OSBPL10: variants seen among roughly 807,000 people sequenced by gnomAD.
OSBPL10 encodes the protein oxysterol binding protein like 10.
In OSBPL10, 49 loss-of-function variants were observed where a neutral mutation model predicts 81.7. The observed-to-expected ratio is 0.60, with a 90% confidence interval of 0.48 to 0.76. OSBPL10 has a LOEUF of 0.76. Among genes scored for constraint, OSBPL10 ranks in the 30% least tolerant of loss-of-function variants. The pLI is 0.00. For synonymous variants in OSBPL10, 419 were observed against 383.6 expected, an observed-to-expected ratio of 1.09 and a Z score of -1.08; for missense variants, 923 against 987.8, an observed-to-expected ratio of 0.93 and a Z score of 0.88.
At chr3:31,936,151 T>A (rs1218550153) in intron 1 of OSBPL10, among the ~76,000 whole-genome samples, 3 of 152,234 alleles carry the variant, frequency 2.0e-5, no homozygotes, top group Non-Finnish European at 2.9e-5. Flanking sequence ...GTTTCACTCA[T>A]TCTTTGCTTC....
At chr3:31,717,956 T>C (rs1192147701) in intron 6 of OSBPL10, among the ~76,000 whole-genome samples, 1 of 152,172 alleles carries the variant, frequency 6.6e-6, no homozygotes, top group African/African-American at 2.4e-5. Flanking sequence ...GCAAACGGTA[T>C]GTAGTAGCAC....
Position 31,913,252 on chromosome 3 carries a change from G to GT in OSBPL10, c.282-33423dup, listed in dbSNP as rs1553640050. Among the ~76,000 whole-genome samples the GT allele has an allele frequency of 6.8e-3, 993 of 145,874 alleles. 25 individuals carry two copies. Among genetic ancestry groups the GT allele is most frequent in the African/African-American group, 0.022 (860 of 39,912 alleles). On this transcript the variant is annotated intron_variant, in intron 1 of 11. Transcript: ENST00000396556. ...GGTTTTTTTTTTTATTTTGTTTTTT[G>GT]TTTTTTTTTTCTTTAAGATGGAGTC...
intron 2 of OSBPL10, among the ~76,000 whole-genome samples, chr3:32,012,743 GA>G (rs1281571315): frequency 6.6e-5 from 10 of 152,130 alleles, no homozygotes; most frequent in African/African-American, 2.4e-4. Context: ...AAGGGATGGA[GA>G]AAGATCTACC....
chr3:31,826,028 C>T (rs530209402), intron 4 of OSBPL10, among the ~76,000 whole-genome samples: 27 of 152,108 alleles, frequency 1.8e-4, no homozygotes, highest in Non-Finnish European at 3.2e-4. Flanking sequence ...TAGTCATTCC[C>T]TTAATGTCTT....
upstream of OSBPL10, among the ~76,000 whole-genome samples, chr3:31,982,344 C>G (rs556943593): frequency 5.5e-4 from 84 of 152,122 alleles, no homozygotes; most frequent in Non-Finnish European, 1.1e-3. Context: ...CTTTGAGGAA[C>G]TCAGACTCTC....
intron 7 of OSBPL10, among the ~76,000 whole-genome samples, chr3:31,692,779 T>C (rs1695593806): frequency 1.3e-5 from 2 of 152,210 alleles, no homozygotes; most frequent in Non-Finnish European, 2.9e-5. Flanking sequence ...CAGAGAGGTT[T>C]TGCAATTTAC....
chr3:31,817,653 T>C (rs1391162353), intron 4 of OSBPL10, among the ~76,000 whole-genome samples: 2 of 152,046 alleles, frequency 1.3e-5, no homozygotes, highest in Non-Finnish European at 2.9e-5. Context: ...TGGGCAGCTG[T>C]GGCCCCGCCA....
chr3:31,939,343 C>T (rs1697474101), intron 1 of OSBPL10, among the ~76,000 whole-genome samples: 1 of 151,648 alleles, frequency 6.6e-6, no homozygotes, highest in Non-Finnish European at 1.5e-5. Context: ...CAGGGTTTCA[C>T]TATATTGGCC....
chr3:32,038,462 C>T (rs1284807289), intron 2 of OSBPL10, among the ~76,000 whole-genome samples: 1 of 152,164 alleles, frequency 6.6e-6, no homozygotes, highest in Admixed American at 6.5e-5. Context: ...GCTGGGATTA[C>T]AGGCGTGTGC....
intron 1 of OSBPL10, among the ~76,000 whole-genome samples, chr3:31,941,259 A>G (rs1347334176): frequency 6.6e-6 from 1 of 152,208 alleles, no homozygotes; most frequent in East Asian, 1.9e-4. Context: ...CGGTGCAAAC[A>G]AAAAAGAAAA....
chr3:31,707,950 T>C (rs1696125738), intron 6 of OSBPL10, among the ~76,000 whole-genome samples: 2 of 151,228 alleles, frequency 1.3e-5, no homozygotes, highest in African/African-American at 2.4e-5. Flanking sequence ...ACTGGAGAGA[T>C]TGGAAGAGTA....
At chr3:31,895,356 C>A (rs1483410743) in intron 1 of OSBPL10, among the ~76,000 whole-genome samples, 3 of 151,560 alleles carry the variant, frequency 2.0e-5, no homozygotes, top group Non-Finnish European at 2.9e-5. Flanking sequence ...CCAGGATGGT[C>A]TTGATCTCCT....
intron 7 of OSBPL10, among the ~76,000 whole-genome samples, chr3:31,694,454 T>C (rs1049897411): frequency 6.6e-6 from 1 of 151,352 alleles, no homozygotes; most frequent in African/African-American, 2.4e-5. Flanking sequence ...TTGTATCTGT[T>C]CAATATTAAA....
chr3:31,930,004 A>AAACAAAC (rs1322047382), intron 1 of OSBPL10, among the ~76,000 whole-genome samples: 6 of 28,824 alleles, frequency 2.1e-4, no homozygotes, highest in African/African-American at 2.9e-4. Context: ...GTCACCAACC[A>AAACAAAC]AAAAAAAAAA....
intron 2 of OSBPL10, among the ~76,000 whole-genome samples, chr3:32,009,615 A>C (rs575111101): frequency 6.6e-6 from 1 of 152,214 alleles, no homozygotes; most frequent in South Asian, 2.1e-4. Flanking sequence ...GGATGATATT[A>C]TATATAAAAT....
intron 1 of OSBPL10, among the ~76,000 whole-genome samples, chr3:31,963,766 C>T (rs1698236123): frequency 6.6e-6 from 1 of 152,110 alleles, no homozygotes; most frequent in African/African-American, 2.4e-5. Context: ...GTTCCATAGT[C>T]ATGAAATCTC....
chr3:31,796,582 A>G (rs2125439167), intron 4 of OSBPL10, among the ~76,000 whole-genome samples: 1 of 152,278 alleles, frequency 6.6e-6, no homozygotes, highest in East Asian at 1.9e-4. Context: ...GATTCTCAAC[A>G]TCAACTCTAC....
intron 4 of OSBPL10, among the ~76,000 whole-genome samples, chr3:31,808,831 C>A (rs891280983): frequency 1.3e-5 from 2 of 152,220 alleles, no homozygotes; most frequent in Non-Finnish European, 2.9e-5. Context: ...ACAGCAAAGG[C>A]TTTGTCTCTG....
chr3:31,801,548 G>GCAGGCC (rs999810161), intron 4 of OSBPL10, among the ~76,000 whole-genome samples: 7 of 152,176 alleles, frequency 4.6e-5, no homozygotes, highest in African/African-American at 1.7e-4. Flanking sequence ...GCCTCCCACA[G>GCAGGCC]CAGGCCCAGG....
Sources: allele counts gnomAD v4.1 joint callset (sites outside exome capture counted in the v4.1 genomes callset), GRCh38; gene constraint gnomAD v4.1.1; transcripts MANE v1.5; gene names NCBI Gene and HGNC (gene_info 2026-07-23, HGNC 2026-07-21).